ADGRB3: variants seen among roughly 807,000 people sequenced by gnomAD.
ADGRB3 encodes adhesion G protein-coupled receptor B3, also known as brain-specific angiogenesis inhibitor 3.
Under a neutral mutation model 193.4 loss-of-function variants are expected in ADGRB3, and 37 were observed. The ratio of observed to expected loss-of-function variants is 0.19; its 90% confidence interval spans 0.15 to 0.25. The LOEUF is 0.25. Ranked by LOEUF, ADGRB3 falls within the 10% of genes least tolerant of loss-of-function variation. The pLI is 1.00. For synonymous variants in ADGRB3, 690 were observed against 644.2 expected, an observed-to-expected ratio of 1.07 and a Z score of -1.08; for missense variants, 1,637 against 1,852.9, an observed-to-expected ratio of 0.88 and a Z score of 2.14.
chr6:69,270,760 A>C (rs1183865611), intron 20 of ADGRB3, among the ~76,000 whole-genome samples: 1 of 152,216 alleles, frequency 6.6e-6, no homozygotes, highest in Non-Finnish European at 1.5e-5. Context: ...ATTAAGAATG[A>C]CATTTTCCCC....
chr6:69,137,317 C>A (rs1227456862), intron 17 of ADGRB3, among the ~76,000 whole-genome samples: 1 of 151,766 alleles, frequency 6.6e-6, no homozygotes, highest in African/African-American at 2.4e-5. Context: ...GCTAAATACC[C>A]CCATCAGTTC....
intron 3 of ADGRB3, among the ~76,000 whole-genome samples, chr6:68,767,648 T>A (rs73467883): frequency 0.046 from 6,960 of 152,168 alleles, 319 homozygotes; most frequent in African/African-American, 0.12. Context: ...AGATGCCATC[T>A]CTCACCACTC....
intron 13 of ADGRB3, among the ~76,000 whole-genome samples, chr6:69,029,205 A>G (rs951557213): frequency 6.6e-6 from 1 of 152,194 alleles, no homozygotes; most frequent in Non-Finnish European, 1.5e-5. Flanking sequence ...ATATTTCTAC[A>G]TCAAGGTAAA....
chr6:69,279,114 T>C (rs1210620810), intron 20 of ADGRB3, among the ~76,000 whole-genome samples: 2 of 124,480 alleles, frequency 1.6e-5, no homozygotes, highest in Non-Finnish European at 3.4e-5. Flanking sequence ...TATATATATA[T>C]ATATATGCTC....
At chr6:69,016,807 A>G (rs1156495366) in intron 12 of ADGRB3, among the ~76,000 whole-genome samples, 1 of 151,892 alleles carries the variant, frequency 6.6e-6, no homozygotes, top group Non-Finnish European at 1.5e-5. Context: ...ATGTTCTTAG[A>G]AAAGGGAGAA....
chr6:68,857,726 G>A (rs984079530), intron 3 of ADGRB3, among the ~76,000 whole-genome samples: 1 of 152,188 alleles, frequency 6.6e-6, no homozygotes, highest in African/African-American at 2.4e-5. Flanking sequence ...TTGGGGGACT[G>A]TTGGGAAGGC....
At chr6:69,146,724 T>C (rs1344158926) in intron 17 of ADGRB3, among the ~76,000 whole-genome samples, 1 of 152,220 alleles carries the variant, frequency 6.6e-6, no homozygotes, top group Non-Finnish European at 1.5e-5. Flanking sequence ...TGATCATTAA[T>C]TCTTTAAATG....
At chr6:68,871,542 T>C (rs984087188) in intron 3 of ADGRB3, among the ~76,000 whole-genome samples, 25 of 152,136 alleles carry the variant, frequency 1.6e-4, no homozygotes, top group Non-Finnish European at 2.5e-4. Flanking sequence ...GTTTTTCTTG[T>C]TGATAAGCTT....
At chr6:68,732,053 A>G (rs1409330988) in intron 3 of ADGRB3, among the ~76,000 whole-genome samples, 1 of 151,842 alleles carries the variant, frequency 6.6e-6, no homozygotes, top group African/African-American at 2.4e-5. Context: ...AATTAATTTT[A>G]TTATTACATC....
chr6:68,989,227 A>G (rs996072198), intron 10 of ADGRB3, among the ~76,000 whole-genome samples: 3 of 152,202 alleles, frequency 2.0e-5, no homozygotes, highest in African/African-American at 7.2e-5. Flanking sequence ...TTTTAAAACT[A>G]TAATATATTG....
intron 17 of ADGRB3, among the ~76,000 whole-genome samples, chr6:69,223,858 T>C (rs1003793751): frequency 6.6e-6 from 1 of 151,988 alleles, no homozygotes; most frequent in East Asian, 1.9e-4. Flanking sequence ...GATTTCACTA[T>C]GTTGCTCAGG....
chr6:69,286,198 T>A (rs1484987275), intron 20 of ADGRB3, among the ~76,000 whole-genome samples: 4 of 152,158 alleles, frequency 2.6e-5, no homozygotes, highest in African/African-American at 9.7e-5. Context: ...TTTTCCTGGT[T>A]CCAGGCACCT....
rs181284640 is a variant in ADGRB3 at position 69,226,937 on chromosome 6, C to T, written c.2481-6353C>T. 8.3e-4 allele frequency among the ~76,000 whole-genome samples: 127 copies of T among 152,300 alleles called. 1 individual carries two copies. The highest frequency in any genetic ancestry group is 2.9e-3 in the African/African-American group (122 of 41,560). On this transcript the variant is annotated intron_variant, in intron 17 of 31. Coordinates refer to ENST00000370598, the MANE Select transcript of ADGRB3 (RefSeq NM_001704.3). ...AGGCTAACAAGTCACACATCATTTC[C>T]ACTGCCTTCTTTTGATCAATTCAAG... is the stretch of plus-strand genomic sequence containing the variant.
At chr6:68,841,529 A>C (rs1296394585) in intron 3 of ADGRB3, among the ~76,000 whole-genome samples, 1 of 152,218 alleles carries the variant, frequency 6.6e-6, no homozygotes, top group African/African-American at 2.4e-5. Context: ...TGGAGAAATT[A>C]AGAAGAGAAT....
intron 3 of ADGRB3, among the ~76,000 whole-genome samples, chr6:68,873,036 C>T (rs1391106800): frequency 6.6e-6 from 1 of 152,088 alleles, no homozygotes; most frequent in Non-Finnish European, 1.5e-5. Flanking sequence ...CTACATTCTT[C>T]TCCAAGTTCC....
At chr6:69,304,670 T>C (rs1768027262) in intron 20 of ADGRB3, among the ~76,000 whole-genome samples, 1 of 151,726 alleles carries the variant, frequency 6.6e-6, no homozygotes, top group East Asian at 1.9e-4. Flanking sequence ...TTGTATGCAG[T>C]AGTTAACAGT....
chr6:69,259,617 A>T (rs1191562989), intron 20 of ADGRB3, among the ~76,000 whole-genome samples: 1 of 147,588 alleles, frequency 6.8e-6, no homozygotes, highest in African/African-American at 2.5e-5. Flanking sequence ...AATGGCATGA[A>T]CTCGGGAGGC....
intron 17 of ADGRB3, among the ~76,000 whole-genome samples, chr6:69,148,877 A>G (rs1774582212): frequency 6.6e-6 from 1 of 152,112 alleles, no homozygotes; most frequent in African/African-American, 2.4e-5. Context: ...TTGGAATGTA[A>G]GGTTTCATTG....
At chr6:68,788,219 C>T (rs1034254989) in intron 3 of ADGRB3, among the ~76,000 whole-genome samples, 1 of 151,980 alleles carries the variant, frequency 6.6e-6, no homozygotes, top group Non-Finnish European at 1.5e-5. Flanking sequence ...TTTGCTCTTG[C>T]TTTTCTAGTT....
Sources: allele counts gnomAD v4.1 joint callset (sites outside exome capture counted in the v4.1 genomes callset), GRCh38; gene constraint gnomAD v4.1.1; transcripts MANE v1.5; gene names NCBI Gene and HGNC (gene_info 2026-07-23, HGNC 2026-07-21).